Variants in WWOX observed in about 807,000 individuals in gnomAD.
WWOX encodes WW domain containing oxidoreductase, also known as WW domain-containing oxidoreductase.
WWOX carries 69 observed loss-of-function variants against 46.2 expected under a neutral mutation model. The ratio of observed to expected loss-of-function variants is 1.49; its 90% CI spans 1.23 to 1.82. WWOX has a LOEUF of 1.82. WWOX is among the 40% of genes most tolerant of loss of function. The pLI is 0.00. For synonymous variants in WWOX, 359 were observed against 202.6 expected (o/e 1.77, Z -6.56); for missense variants, 919 against 542.6 (o/e 1.69, Z -6.89).
At chr16:78,833,187 A>G (rs2051879653) in intron 8 of WWOX, among the ~76,000 whole-genome samples, 1 of 152,082 alleles carries the variant, frequency 6.6e-6, no homozygotes, top group Non-Finnish European at 1.5e-5. Flanking sequence ...GACTACAAGC[A>G]TGCACTCCTG....
At chr16:78,655,001 G>T (rs2047049586) in intron 8 of WWOX, among the ~76,000 whole-genome samples, 1 of 152,076 alleles carries the variant, frequency 6.6e-6, no homozygotes, top group African/African-American at 2.4e-5. Flanking sequence ...CCAAATGTCT[G>T]AGTTTACATT....
chr16:78,779,848 C>A (rs2050281287), intron 8 of WWOX, among the ~76,000 whole-genome samples: 1 of 152,116 alleles, frequency 6.6e-6, no homozygotes, highest in Non-Finnish European at 1.5e-5. Flanking sequence ...AGGAGAAGGG[C>A]CTTTGGGACT....
At chr16:78,378,055 T>G (rs2081870822) in intron 5 of WWOX, among the ~76,000 whole-genome samples, 1 of 152,014 alleles carries the variant, frequency 6.6e-6, no homozygotes, top group Admixed American at 6.5e-5. Context: ...GGATGGTTGA[T>G]TTGAAGGTTA....
At chr16:79,156,647 A>G in intron 8 of WWOX, among the ~76,000 whole-genome samples, 1 of 152,244 alleles carries the variant, frequency 6.6e-6, no homozygotes, top group South Asian at 2.1e-4. Flanking sequence ...TATCTTCCAG[A>G]AACACTGCTT....
chr16:78,383,076 A>G (rs1597137600), intron 5 of WWOX, among the ~76,000 whole-genome samples: 1 of 150,462 alleles, frequency 6.6e-6, no homozygotes, highest in East Asian at 2.0e-4. Context: ...GGATCACGAG[A>G]CAGCACTAGG....
chr16:78,376,396 G>A (rs1054157568), intron 5 of WWOX, among the ~76,000 whole-genome samples: 1 of 152,190 alleles, frequency 6.6e-6, no homozygotes, highest in Admixed American at 6.5e-5. Flanking sequence ...TACTCTGGAA[G>A]GATTTGAACC....
At chr16:79,088,835 G>C (rs911722065) in intron 8 of WWOX, among the ~76,000 whole-genome samples, 12 of 152,154 alleles carry the variant, frequency 7.9e-5, no homozygotes, top group African/African-American at 2.9e-4. Context: ...GTCCATAGAA[G>C]CCCAGGATGC....
intron 5 of WWOX, among the ~76,000 whole-genome samples, chr16:78,176,745 A>G (rs1244379955): frequency 6.6e-6 from 1 of 152,208 alleles, no homozygotes; most frequent in Non-Finnish European, 1.5e-5. Flanking sequence ...TAGCCAGGAG[A>G]GAATTAGTTG....
chr16:79,131,113 A>G (rs1045016651), intron 8 of WWOX, among the ~76,000 whole-genome samples: 2 of 152,178 alleles, frequency 1.3e-5, no homozygotes, highest in Admixed American at 6.5e-5. Context: ...AGAGTTGGAC[A>G]GACTCCATGC....
chr16:78,615,854 C>T (rs1445529871), intron 8 of WWOX, among the ~76,000 whole-genome samples: 1 of 151,736 alleles, frequency 6.6e-6, no homozygotes, highest in Admixed American at 6.6e-5. Context: ...GAGTTCACGC[C>T]ATTCTCCTGC....
At chr16:78,464,274 TGGAG>T (rs1268480899) in intron 8 of WWOX, among the ~76,000 whole-genome samples, 1 of 143,934 alleles carries the variant, frequency 6.9e-6, no homozygotes, top group Non-Finnish European at 1.5e-5. Flanking sequence ...GACAGGGAGA[TGGAG>T]GGAGGCAAAA....
chr16:78,712,991 C>G (rs1394001926), intron 8 of WWOX, among the ~76,000 whole-genome samples: 2 of 152,010 alleles, frequency 1.3e-5, no homozygotes, highest in African/African-American at 4.8e-5. Flanking sequence ...AGTATCAGGC[C>G]TGGTGTAGTG....
intron 8 of WWOX, among the ~76,000 whole-genome samples, chr16:78,735,871 T>G (rs2049079954): frequency 8.6e-6 from 1 of 115,952 alleles, no homozygotes. Flanking sequence ...GGGCCAGGGA[T>G]CTGAGTCCCT....
rs1381980155 is a variant in WWOX, at chr16:78,604,821, CTTCCTCCCTCCCTCCTTCCCCCCT to C, written c.1056+172070_1056+172093del. ...CCCTCCTTCCTCCCTCCCTCCTTCC[CTTCCTCCCTCCCTCCTTCCCCCCT>C]CCCTCCCTCCTTCCCTTCCTCCCTC... On this transcript the variant is annotated intron_variant, in intron 8 of 8. Coordinates refer to ENST00000566780, the MANE Select transcript of WWOX (RefSeq NM_016373.4). 7.4e-3 allele frequency among the ~76,000 whole-genome samples: 10 copies of C among 1,350 alleles called. 3 individuals are homozygous for C. Among genetic ancestry groups the C allele is most frequent in the African/African-American group, 0.013 (2 of 156 alleles). 0.9% of individuals were successfully genotyped at this position (1,350 alleles called of 152,430 possible).
chr16:79,046,001 C>T (rs1456783642), intron 8 of WWOX, among the ~76,000 whole-genome samples: 1 of 151,838 alleles, frequency 6.6e-6, no homozygotes, highest in Admixed American at 6.6e-5. Context: ...GGGCTTTCAC[C>T]ATGTTGGCCA....
At chr16:78,430,111 C>T (rs763817766) in intron 7 of WWOX, among the ~76,000 whole-genome samples, 15 of 152,038 alleles carry the variant, frequency 9.9e-5, no homozygotes, top group East Asian at 3.9e-4. Flanking sequence ...ACAATCATGG[C>T]GGAAGATGAA....
intron 8 of WWOX, among the ~76,000 whole-genome samples, chr16:78,545,664 C>CT (rs1378353206): frequency 6.6e-6 from 1 of 152,162 alleles, no homozygotes; most frequent in East Asian, 1.9e-4. Flanking sequence ...TGTTCATTTG[C>CT]TATGGCTAAC....
At chr16:78,746,530 T>A (rs894613359) in intron 8 of WWOX, among the ~76,000 whole-genome samples, 9 of 152,138 alleles carry the variant, frequency 5.9e-5, no homozygotes, top group South Asian at 2.1e-4. Flanking sequence ...ATCAGCACCC[T>A]TGCCATGGCC....
chr16:78,967,646 G>A (rs28703070), intron 8 of WWOX, among the ~76,000 whole-genome samples: 1 of 151,920 alleles, frequency 6.6e-6, no homozygotes, highest in South Asian at 2.1e-4. Flanking sequence ...AAACAGCCAA[G>A]ACTGGTGTCA....
Sources: allele counts gnomAD v4.1 joint callset (sites outside exome capture counted in the v4.1 genomes callset), GRCh38; gene constraint gnomAD v4.1.1; transcripts MANE v1.5; gene names NCBI Gene and HGNC (gene_info 2026-07-23, HGNC 2026-07-21).